The following RERE variants were observed in gnomAD, a reference collection of about 807,000 sequenced individuals.
RERE encodes the protein arginine-glutamic acid dipeptide repeats protein.
In RERE, 40 loss-of-function variants were observed where a neutral mutation model predicts 146.1. That is an observed-to-expected ratio of 0.27 (90% CI 0.21 to 0.36). RERE has a LOEUF of 0.36. Among genes scored for constraint, RERE ranks in the 10% least tolerant of loss-of-function variants. RERE has a pLI of 1.00. For synonymous variants in RERE, 1,003 were observed against 866.0 expected (o/e 1.16, Z -2.78); for missense variants, 1,933 against 2,138.7 (o/e 0.90, Z 1.90).
chr1:8,501,115 G>C (rs1477302498), intron 8 of RERE, among the ~76,000 whole-genome samples: 1 of 146,040 alleles, frequency 6.8e-6, no homozygotes, highest in African/African-American at 2.6e-5. Flanking sequence ...CCCCTACTGG[G>C]AAGTGAGGAG....
At chr1:8,675,321 A>G (rs987104190) in intron 1 of RERE, among the ~76,000 whole-genome samples, 1 of 152,046 alleles carries the variant, frequency 6.6e-6, no homozygotes, top group African/African-American at 2.4e-5. Flanking sequence ...ACATGATATG[A>G]TACAGATAAA....
At chr1:8,772,788 A>G (rs1640978225) in intron 1 of RERE, among the ~76,000 whole-genome samples, 1 of 151,700 alleles carries the variant, frequency 6.6e-6, no homozygotes, top group Admixed American at 6.6e-5. Context: ...CAAAAAAAGA[A>G]AAGAAAAAGA....
rs146562584 is a variant in RERE, at chr1:8,401,151, C to G, written c.1284+21576G>C. Among the ~76,000 whole-genome samples, 38 of 147,066 alleles carry G rather than the reference C, an allele frequency of 2.6e-4. 1 individual carries two copies. The East Asian group carries it at 7.5e-3, about 29-fold the overall frequency. On this transcript the variant is annotated intron_variant, in intron 12 of 22. Transcript: ENST00000400908. ...TCATTCCTAGTCTTCTATAAGTCATCGTTACAAAGAACACTGCATTTCACC... is the reference window on the plus strand; with the variant it reads ...TCATTCCTAGTCTTCTATAAGTCATGGTTACAAAGAACACTGCATTTCACC...
chr1:8,536,725 T>C (rs1473300865), intron 7 of RERE, among the ~76,000 whole-genome samples: 1 of 152,170 alleles, frequency 6.6e-6, no homozygotes, highest in Admixed American at 6.5e-5. Context: ...TGTTCACATG[T>C]ACAAAACTGA....
chr1:8,650,663 C>T (rs1166854537), intron 2 of RERE, among the ~76,000 whole-genome samples: 2 of 151,988 alleles, frequency 1.3e-5, no homozygotes, highest in Non-Finnish European at 2.9e-5. Flanking sequence ...CTTTAGGAGG[C>T]CGGGGCGGGC....
At chr1:8,610,980 G>A (rs536636098) in intron 4 of RERE, among the ~76,000 whole-genome samples, 1 of 151,438 alleles carries the variant, frequency 6.6e-6, no homozygotes, top group Non-Finnish European at 1.5e-5. Flanking sequence ...GGATCATGAG[G>A]TCAGGCAGTC....
chr1:8,673,083 G>A (rs1460775792), intron 1 of RERE, among the ~76,000 whole-genome samples: 2 of 152,034 alleles, frequency 1.3e-5, no homozygotes, highest in African/African-American at 2.4e-5. Flanking sequence ...ATCATTTAGA[G>A]GAGCCTAATT....
chr1:8,747,293 G>A (rs1358260209), intron 1 of RERE, among the ~76,000 whole-genome samples: 2 of 152,012 alleles, frequency 1.3e-5, no homozygotes, highest in African/African-American at 2.4e-5. Context: ...GAGCCACCGC[G>A]CCCAGCCCTG....
At chr1:8,417,313 T>C (rs1220853361) in intron 12 of RERE, among the ~76,000 whole-genome samples, 3 of 152,224 alleles carry the variant, frequency 2.0e-5, no homozygotes, top group South Asian at 2.1e-4. Flanking sequence ...AATGACATTT[T>C]GCCTGAAGAA....
chr1:8,504,856 A>C (rs1361958834), intron 8 of RERE, among the ~76,000 whole-genome samples: 3 of 152,176 alleles, frequency 2.0e-5, no homozygotes, highest in African/African-American at 7.2e-5. Context: ...CCGTCTCAAA[A>C]AAAAAAAATA....
At chr1:8,744,230 G>A (rs1288423657) in intron 1 of RERE, among the ~76,000 whole-genome samples, 1 of 152,106 alleles carries the variant, frequency 6.6e-6, no homozygotes, top group African/African-American at 2.4e-5. Context: ...GCTGCCCCTG[G>A]GTGCTCACGT....
chr1:8,692,224 G>A (rs1443392026), intron 1 of RERE, among the ~76,000 whole-genome samples: 1 of 152,062 alleles, frequency 6.6e-6, no homozygotes, highest in African/African-American at 2.4e-5. Flanking sequence ...TTCATACTAC[G>A]GTCATCCCTC....
intron 4 of RERE, among the ~76,000 whole-genome samples, chr1:8,572,256 A>G (rs1646230503): frequency 6.6e-6 from 1 of 152,220 alleles, no homozygotes; most frequent in African/African-American, 2.4e-5. Flanking sequence ...AAAAAGACCA[A>G]CTTCCATTAC....
chr1:8,366,591 C>A (rs1481886016), intron 12 of RERE, among the ~76,000 whole-genome samples: 1 of 152,150 alleles, frequency 6.6e-6, no homozygotes, highest in East Asian at 1.9e-4. Flanking sequence ...CATCTGAAGG[C>A]CCACATCTGA....
chr1:8,395,960 A>T (rs1337067547), intron 12 of RERE, among the ~76,000 whole-genome samples: 3 of 152,192 alleles, frequency 2.0e-5, no homozygotes, highest in African/African-American at 7.2e-5. Flanking sequence ...TCTGTAAGGC[A>T]TAGGTGACAC....
intron 1 of RERE, among the ~76,000 whole-genome samples, chr1:8,696,459 T>C (rs1639332075): frequency 2.0e-5 from 3 of 151,640 alleles, no homozygotes; most frequent in Admixed American, 6.6e-5. Flanking sequence ...ACTAAAAAGA[T>C]AAAAATTAGC....
intron 1 of RERE, among the ~76,000 whole-genome samples, chr1:8,700,655 G>A (rs1470174536): frequency 6.6e-6 from 1 of 152,154 alleles, no homozygotes; most frequent in Admixed American, 6.5e-5. Flanking sequence ...AGACAAGGGG[G>A]AAACATTCTA....
chr1:8,409,971 A>T (rs1004471812), intron 12 of RERE, among the ~76,000 whole-genome samples: 33 of 95,380 alleles, frequency 3.5e-4, no homozygotes, highest in South Asian at 4.3e-4. Flanking sequence ...CAATCAGGCA[A>T]TTTTTTTTTT....
Position 8,419,393 on chromosome 1 carries a change from C to T in RERE, c.1284+3334G>A, listed in dbSNP as rs551698611. Among the ~76,000 whole-genome samples the T allele has an allele frequency of 1.6e-4, 25 of 152,298 alleles. No homozygotes were observed. In the East Asian group the frequency reaches 4.2e-3, roughly 26 times the overall value. On this transcript the variant is annotated intron_variant, in intron 12 of 22. Transcript: ENST00000400908. Reference sequence around the variant, plus strand: ...CCAAAAGAGCTAGGAAAGCTGTTTACGTCTATGCCCACCAGGAACCCTTCT... The same window carrying T: ...CCAAAAGAGCTAGGAAAGCTGTTTATGTCTATGCCCACCAGGAACCCTTCT...
Sources: gnomAD v4.1 joint callset for allele counts (sites outside exome capture counted in the v4.1 genomes callset) on GRCh38, gnomAD v4.1.1 for gene constraint, MANE v1.5 for transcripts, NCBI Gene and HGNC (gene_info 2026-07-23, HGNC 2026-07-21) for gene names.